The following RSL24D1 variants were observed in gnomAD, a reference collection of about 807,000 sequenced individuals.
RSL24D1 encodes ribosomal L24 domain containing 1, also known as probable ribosome biogenesis protein RLP24.
A neutral mutation model predicts 26.2 loss-of-function variants in RSL24D1; 6 were observed. The ratio of observed to expected loss-of-function variants is 0.23; its 90% CI spans 0.13 to 0.45. The LOEUF is 0.45. RSL24D1 is among the 20% of genes least tolerant of loss of function. The pLI is 0.99. For missense variants in RSL24D1, 176 were observed against 202.6 expected, an observed-to-expected ratio of 0.87 and a Z score of 0.80; for synonymous variants, 61 against 59.1, an observed-to-expected ratio of 1.03 and a Z score of -0.15.
chr15:55,189,765 G>C (rs1425397494), intron 3 of RSL24D1, among the ~76,000 whole-genome samples: 1 of 152,170 alleles, frequency 6.6e-6, no homozygotes, highest in African/African-American at 2.4e-5. Context: ...CAAATTTTCA[G>C]TTCTTCCCCT....
chr15:55,182,274 T>A (rs1894176700), intron 5 of RSL24D1, 49 bp from the exon 6 acceptor site: 1 of 1,163,652 alleles, frequency 8.6e-7, no homozygotes, highest in Admixed American at 1.7e-5. Context: ...AATGTGACCT[T>A]ACAGAATTCA....
intron 3 of RSL24D1, among the ~76,000 whole-genome samples, chr15:55,189,821 T>C (rs1894272807): frequency 6.6e-6 from 1 of 152,220 alleles, no homozygotes; most frequent in Admixed American, 6.5e-5. Flanking sequence ...GCCCTGCCTA[T>C]GATCCATTAG....
intron 1 of RSL24D1, among the ~76,000 whole-genome samples, chr15:55,194,983 T>A (rs11857087): frequency 0.33 from 46,287 of 140,816 alleles, 10,910 homozygotes; most frequent in African/African-American, 0.68. Flanking sequence ...TGATCACACA[T>A]CTGCACTCCA....
intron 4 of RSL24D1, 41 bp from the exon 5 acceptor site, chr15:55,183,441 C>G: frequency 6.9e-7 from 1 of 1,457,908 alleles, no homozygotes; most frequent in African/African-American, 1.4e-5. Context: ...CAGTTACTAA[C>G]ACTGCTTTAA....
intron 3 of RSL24D1, among the ~76,000 whole-genome samples, chr15:55,189,474 A>C (rs1490930383): frequency 6.6e-6 from 1 of 152,232 alleles, no homozygotes; most frequent in Non-Finnish European, 1.5e-5. Flanking sequence ...AGTACAGAAA[A>C]GGCAATTCCA....
At chr15:55,182,885 T>C (rs1220715797) in intron 5 of RSL24D1, among the ~76,000 whole-genome samples, 1 of 152,172 alleles carries the variant, frequency 6.6e-6, no homozygotes, top group East Asian at 1.9e-4. Context: ...GTCCCAATTT[T>C]AGTATCAGAA....
chr15:55,187,152 C>T (rs1437698566), intron 3 of RSL24D1, among the ~76,000 whole-genome samples: 2 of 152,114 alleles, frequency 1.3e-5, no homozygotes, highest in Non-Finnish European at 1.5e-5. Context: ...CAAAAACCAC[C>T]AGGACAATCT....
chr15:55,189,193 C>CAAAAAAAAAAA (rs11320888), intron 3 of RSL24D1, among the ~76,000 whole-genome samples: 1 of 66,522 alleles, frequency 1.5e-5, no homozygotes, highest in African/African-American at 4.5e-5. Flanking sequence ...ACTCCCATCT[C>CAAAAAAAAAAA]AAAAAAAAAA....
At chr15:55,189,847 T>A (rs898218006) in intron 3 of RSL24D1, among the ~76,000 whole-genome samples, 1 of 152,180 alleles carries the variant, frequency 6.6e-6, no homozygotes, top group Non-Finnish European at 1.5e-5. Context: ...TAATAAAGTT[T>A]GTGGAATTCT....
At chr15:55,184,393 T>C (rs1894202261) in intron 4 of RSL24D1, among the ~76,000 whole-genome samples, 1 of 152,058 alleles carries the variant, frequency 6.6e-6, no homozygotes, top group Admixed American at 6.5e-5. Flanking sequence ...TAAGAATCCA[T>C]GAATACACAC....
rs1894364653 is a variant in RSL24D1 at position 55,196,821 on chromosome 15, T to C, written c.70A>G (p.Asn24Asp). The C allele has an allele frequency of 6.2e-7, 1 of 1,614,132 alleles. No individual in the cohort carries two copies. ...GTCGACCGCCTTACCTTGCAATCGTTGCGGACGAACATCATGCCGTGTCCA... is the reference window on the plus strand; with the variant it reads ...GTCGACCGCCTTACCTTGCAATCGTCGCGGACGAACATCATGCCGTGTCCA... ...YPGHGMMFVR[N>D]DCKVFRFCKS... The change falls in exon 1 of 6, where the codon AAC (asparagine) becomes GAC (aspartate). Residue 24 changes from asparagine (N) to aspartate (D), a missense_variant. Physicochemically the swap from Asn to Asp is conservative, Grantham distance 23 (BLOSUM62 1). Around this residue, in one of 3 missense-constraint regions of RSL24D1, gnomAD observed 89 missense variants for 135.1 expected, o/e 0.66. Transcript: ENST00000260443.
chr15:55,183,033 A>C lies in RSL24D1; in HGVS notation c.418+282T>G, dbSNP rs1050984559. ...TAATAAAAAATATAGTCCTTTAATC[A>C]ATACAAGTGCAAGACAAAAATCATC... is the stretch of plus-strand genomic sequence containing the variant. On this transcript the variant is annotated intron_variant, in intron 5 of 5. Transcript: ENST00000260443. Among the ~76,000 whole-genome samples the C allele has an allele frequency of 1.3e-4, 20 of 152,312 alleles. 1 individual carries two copies. The highest frequency in any genetic ancestry group is 7.8e-4 in the Admixed American group (12 of 15,290).
rs527742224 is a variant in RSL24D1 at position 55,192,381 on chromosome 15, A to G, written c.195+339T>C. On this transcript the variant is annotated intron_variant, in intron 2 of 5. Transcript: ENST00000260443. ...GCTAAGGAAATCCAGAAACTGATAA[A>G]TGAGTCTATTATAAACTTCACCTGA... The G allele has an allele frequency of 1.6e-4, 29 of 181,678 alleles. 1 individual carries two copies. Among genetic ancestry groups the G allele is most frequent in the Admixed American group, 7.3e-4 (12 of 16,442 alleles). The allele number at this position is 181,678 out of a possible 1,614,324, so 11.3% of individuals were successfully genotyped here.
intron 3 of RSL24D1, among the ~76,000 whole-genome samples, chr15:55,189,071 T>C (rs1268171769): frequency 6.6e-6 from 1 of 151,714 alleles, no homozygotes; most frequent in Non-Finnish European, 1.5e-5. Context: ...CGTGTGCCTG[T>C]AGTCCCAGCT....
intron 3 of RSL24D1, among the ~76,000 whole-genome samples, chr15:55,189,783 C>T (rs576718230): frequency 1.3e-5 from 2 of 152,296 alleles, no homozygotes; most frequent in South Asian, 2.1e-4. Flanking sequence ...CCTGAAGTCT[C>T]GTGACTGACT....
At chr15:55,196,671 A>G in intron 1 of RSL24D1, 139 bp downstream of exon 1, 3 of 744,720 alleles carry the variant, frequency 4.0e-6, no homozygotes, top group Non-Finnish European at 6.7e-6. Flanking sequence ...ACGGAGGCCC[A>G]GTTAAGCCAC....
intron 3 of RSL24D1, among the ~76,000 whole-genome samples, chr15:55,189,784 G>A (rs958656619): frequency 3.9e-5 from 6 of 152,130 alleles, no homozygotes; most frequent in East Asian, 1.9e-4. Flanking sequence ...CTGAAGTCTC[G>A]TGACTGACTG....
intron 3 of RSL24D1, among the ~76,000 whole-genome samples, chr15:55,187,740 A>G (rs1894238837): frequency 6.6e-6 from 1 of 151,386 alleles, no homozygotes; most frequent in African/African-American, 2.4e-5. Flanking sequence ...TATGGGACTC[A>G]GAAGGGGGAG....
intron 5 of RSL24D1, among the ~76,000 whole-genome samples, chr15:55,182,551 T>C (rs958297746): frequency 1.3e-5 from 2 of 152,280 alleles, no homozygotes; most frequent in African/African-American, 4.8e-5. Flanking sequence ...ACCCCAGCCA[T>C]CTGGATCCAA....
Sources: gnomAD v4.1 joint callset for allele counts (sites outside exome capture counted in the v4.1 genomes callset) on GRCh38, gnomAD v4.1.1 for gene constraint, gnomAD v4.1.1 regional missense constraint, MANE v1.5 for transcripts, NCBI Gene and HGNC (gene_info 2026-07-23, HGNC 2026-07-21) for gene names.